The following NCKAP5 variants were observed in gnomAD, a reference collection of about 807,000 sequenced individuals.
NCKAP5 encodes NCK associated protein 5.
A neutral mutation model predicts 167.0 loss-of-function variants in NCKAP5; 92 were observed. The observed-to-expected ratio is 0.55, with a 90% CI of 0.47 to 0.66. NCKAP5 has a LOEUF of 0.66. NCKAP5 is among the 30% of genes least tolerant of loss of function. NCKAP5 has a pLI of 0.00. For synonymous variants in NCKAP5, 891 were observed against 877.4 expected (o/e 1.02, Z -0.27); for missense variants, 2,378 against 2,315.0 (o/e 1.03, Z -0.56).
chr2:133,453,935 T>C (rs184609609), intron 3 of NCKAP5, among the ~76,000 whole-genome samples: 1 of 152,210 alleles, frequency 6.6e-6, no homozygotes, highest in Admixed American at 6.5e-5. Flanking sequence ...ATCACTATCA[T>C]GTTTGTCACT....
chr2:133,228,315 GC>G (rs1304341379), intron 4 of NCKAP5, among the ~76,000 whole-genome samples: 1 of 151,982 alleles, frequency 6.6e-6, no homozygotes, highest in Admixed American at 6.6e-5. Context: ...TGGACCTGTA[GC>G]AAAAAAATAA....
chr2:133,368,987 C>T (rs980178643), intron 3 of NCKAP5, among the ~76,000 whole-genome samples: 1 of 152,106 alleles, frequency 6.6e-6, no homozygotes, highest in Non-Finnish European at 1.5e-5. Flanking sequence ...AGGACATATC[C>T]AGACAACAAG....
intron 2 of NCKAP5, chr2:133,554,559 A>G (rs1446472756): frequency 6.6e-6 from 1 of 152,180 alleles, no homozygotes; most frequent in African/African-American, 2.4e-5. Flanking sequence ...AGTTCCTAGT[A>G]CTGACTTATA....
chr2:133,382,375 C>G (rs1559434966), intron 3 of NCKAP5, among the ~76,000 whole-genome samples: 1 of 152,152 alleles, frequency 6.6e-6, no homozygotes, highest in Non-Finnish European at 1.5e-5. Context: ...CCTAGAGTGA[C>G]TTTTTGCAAA....
chr2:133,033,017 T>C (rs1421415982), intron 6 of NCKAP5, among the ~76,000 whole-genome samples: 1 of 152,144 alleles, frequency 6.6e-6, no homozygotes, highest in Non-Finnish European at 1.5e-5. Context: ...TCCCACAACA[T>C]TGGCAATTAC....
chr2:133,155,572 G>A (rs2083545909), intron 5 of NCKAP5, among the ~76,000 whole-genome samples: 1 of 152,124 alleles, frequency 6.6e-6, no homozygotes, highest in African/African-American at 2.4e-5. Context: ...AAATTGGCTA[G>A]GCCACCAGTA....
intron 4 of NCKAP5, among the ~76,000 whole-genome samples, chr2:133,227,818 C>G (rs891170329): frequency 6.6e-6 from 1 of 152,040 alleles, no homozygotes; most frequent in Non-Finnish European, 1.5e-5. Context: ...TGGATTTCTC[C>G]TGGTTGCAAG....
intron 3 of NCKAP5, among the ~76,000 whole-genome samples, chr2:133,514,578 T>C (rs961548931): frequency 2.0e-5 from 3 of 152,248 alleles, no homozygotes; most frequent in African/African-American, 4.8e-5. Context: ...TAATAGCACC[T>C]TATTCTTGCA....
chr2:132,758,934 T>G (rs936268071), intron 16 of NCKAP5, among the ~76,000 whole-genome samples: 1 of 152,198 alleles, frequency 6.6e-6, no homozygotes, highest in Non-Finnish European at 1.5e-5. Context: ...TTTAACCATG[T>G]TTTTAAATTA....
intron 3 of NCKAP5, among the ~76,000 whole-genome samples, chr2:133,411,403 G>A (rs1194581824): frequency 6.6e-6 from 1 of 152,176 alleles, no homozygotes; most frequent in East Asian, 1.9e-4. Flanking sequence ...CACTAAGAAA[G>A]GTGAGTGAAG....
chr2:132,951,044 C>A (rs1402688892), intron 8 of NCKAP5, among the ~76,000 whole-genome samples: 1 of 152,158 alleles, frequency 6.6e-6, no homozygotes, highest in African/African-American at 2.4e-5. Context: ...TGCAAAATTT[C>A]CAACTGCTCA....
At chr2:132,698,330 T>C (rs1221972601) in intron 19 of NCKAP5, among the ~76,000 whole-genome samples, 1 of 152,206 alleles carries the variant, frequency 6.6e-6, no homozygotes, top group Non-Finnish European at 1.5e-5. Context: ...ACTACCTGCT[T>C]TAGTCTTCAA....
At chr2:133,594,260 G>A in the NCKAP5 span, among the ~76,000 whole-genome samples, 2 of 152,172 alleles carry the variant, frequency 1.3e-5, no homozygotes, top group African/African-American at 2.4e-5. Flanking sequence ...GCTGACTCTC[G>A]ACTTCGTTGG....
intron 16 of NCKAP5, among the ~76,000 whole-genome samples, chr2:132,770,109 C>A (rs1681893740): frequency 6.6e-6 from 1 of 152,186 alleles, no homozygotes; most frequent in Non-Finnish European, 1.5e-5. Flanking sequence ...GTCCTTTCTT[C>A]TCCAACCCAA....
At chr2:133,121,561 C>T (rs1168683329) in intron 6 of NCKAP5, among the ~76,000 whole-genome samples, 1 of 152,108 alleles carries the variant, frequency 6.6e-6, no homozygotes, top group Non-Finnish European at 1.5e-5. Flanking sequence ...TGTGTGGCTT[C>T]CTTTGTCTAT....
rs2082549481 is a variant in NCKAP5 at position 133,130,120 on chromosome 2, G to C, written c.208-9C>G. ...TGTATCAGCTTCTCATGCTATAAAAGACACAAAGGGGATGACTTTTAGGAA... is the reference window on the plus strand; with the variant it reads ...TGTATCAGCTTCTCATGCTATAAAACACACAAAGGGGATGACTTTTAGGAA... On this transcript the variant is annotated splice_polypyrimidine_tract_variant and intron_variant, in intron 5 of 19. Transcript: ENST00000409261. 6.2e-7 allele frequency: 1 copy of C among 1,600,874 alleles called. No homozygotes were observed. The highest frequency in any genetic ancestry group is 1.3e-5 in the African/African-American group (1 of 74,154).
intron 8 of NCKAP5, among the ~76,000 whole-genome samples, chr2:132,934,512 C>A (rs1247810859): frequency 6.6e-6 from 1 of 151,926 alleles, no homozygotes; most frequent in Non-Finnish European, 1.5e-5. Flanking sequence ...GTGGAGGTTG[C>A]AGTGAGTAGA....
intron 8 of NCKAP5, among the ~76,000 whole-genome samples, chr2:132,900,025 C>T (rs768820776): frequency 1.4e-4 from 21 of 152,024 alleles, no homozygotes; most frequent in Non-Finnish European, 3.1e-4. Flanking sequence ...AATACATGGC[C>T]CAAGGAGAGC....
chr2:133,112,379 C>G (rs563714168), intron 6 of NCKAP5, among the ~76,000 whole-genome samples: 1 of 151,846 alleles, frequency 6.6e-6, no homozygotes, highest in Non-Finnish European at 1.5e-5. Flanking sequence ...GAGGCTGAGG[C>G]GGAAGAATAG....
Sources: allele counts gnomAD v4.1 joint callset (sites outside exome capture counted in the v4.1 genomes callset), GRCh38; gene constraint gnomAD v4.1.1; transcripts MANE v1.5; gene names NCBI Gene and HGNC (gene_info 2026-07-23, HGNC 2026-07-21).